Variants in TRABD2A observed in about 807,000 individuals in gnomAD.
The protein encoded by TRABD2A is metalloprotease TIKI1.
Under a neutral mutation model 45.6 loss-of-function variants are expected in TRABD2A, and 43 were observed. The ratio of observed to expected loss-of-function variants is 0.94; its 90% CI spans 0.74 to 1.22. TRABD2A has a LOEUF of 1.22. TRABD2A is among the 50% of genes most tolerant of loss of function. The probability of loss-of-function intolerance (pLI) is 0.00; values close to 1 mark genes in which losing one functional copy is unlikely to be tolerated. For missense variants in TRABD2A, 642 were observed against 652.4 expected (o/e 0.98, Z 0.17); for synonymous variants, 269 against 265.0 (o/e 1.02, Z -0.15).
At chr2:84,847,892 C>A (rs1205330898) in intron 2 of TRABD2A, among the ~76,000 whole-genome samples, 1 of 152,182 alleles carries the variant, frequency 6.6e-6, no homozygotes. Flanking sequence ...GCATCTATTC[C>A]AGGCCTCTCT....
intron 1 of TRABD2A, among the ~76,000 whole-genome samples, chr2:84,876,708 C>A (rs752976223): frequency 5.3e-5 from 8 of 152,156 alleles, no homozygotes; most frequent in South Asian, 2.1e-4. Flanking sequence ...AGAGTCATAT[C>A]TTTTTTCAGT....
chr2:84,839,038 T>C (rs1681615328), intron 4 of TRABD2A, 111 bp downstream of exon 4: 3 of 1,253,132 alleles, frequency 2.4e-6, no homozygotes, highest in Non-Finnish European at 3.3e-6. Flanking sequence ...GTCACTCCCT[T>C]CATCTCGCTT....
intron 4 of TRABD2A, chr2:84,838,204 G>A (rs1458466541): frequency 4.2e-6 from 3 of 717,530 alleles, no homozygotes; most frequent in Middle Eastern, 2.3e-4. Flanking sequence ...CACAGCTACT[G>A]TAGTTCAAGG....
chr2:84,826,095 T>A (rs1326259904), intron 5 of TRABD2A, among the ~76,000 whole-genome samples: 1 of 152,174 alleles, frequency 6.6e-6, no homozygotes, highest in Admixed American at 6.5e-5. Context: ...TGGCCGAAAC[T>A]ATGTCTTGGC....
At chr2:84,836,857 T>G (rs559509317) in intron 4 of TRABD2A, 1 of 152,296 alleles carries the variant, frequency 6.6e-6, no homozygotes, top group Non-Finnish European at 1.5e-5. Flanking sequence ...TTTCAGTTCC[T>G]ACACTTTAAA....
chr2:84,827,835 G>C (rs954768646), intron 5 of TRABD2A, among the ~76,000 whole-genome samples: 1 of 152,164 alleles, frequency 6.6e-6, no homozygotes, highest in Non-Finnish European at 1.5e-5. Flanking sequence ...AAGATGGAAG[G>C]CTCCACAAGT....
intron 1 of TRABD2A, among the ~76,000 whole-genome samples, chr2:84,878,996 G>GT (rs766987472): frequency 2.0e-5 from 3 of 152,116 alleles, no homozygotes; most frequent in Non-Finnish European, 4.4e-5. Context: ...GGTCAAAACT[G>GT]TTTTTATAAA....
intron 3 of TRABD2A, among the ~76,000 whole-genome samples, chr2:84,840,508 T>C (rs1044906152): frequency 6.6e-6 from 1 of 152,190 alleles, no homozygotes; most frequent in African/African-American, 2.4e-5. Flanking sequence ...TGACAGCACA[T>C]TCCCTGACCT....
chr2:84,829,786 A>G (rs1681270668), intron 5 of TRABD2A, among the ~76,000 whole-genome samples: 1 of 150,036 alleles, frequency 6.7e-6, no homozygotes, highest in African/African-American at 2.5e-5. Context: ...CACCACACAC[A>G]CCCCACATAC....
At chr2:84,841,760 G>A (rs1191337951) in intron 3 of TRABD2A, 101 bp downstream of exon 3, 4 of 1,262,736 alleles carry the variant, frequency 3.2e-6, no homozygotes, top group Non-Finnish European at 4.1e-6. Context: ...GAGCCCTCAT[G>A]ACCTCAATCC....
chr2:84,836,029 T>A (rs1484616010), intron 4 of TRABD2A: 1 of 152,204 alleles, frequency 6.6e-6, no homozygotes, highest in Non-Finnish European at 1.5e-5. Flanking sequence ...CATATTTCCC[T>A]CACTTCCCAT....
chr2:84,831,914 T>C lies in TRABD2A; in HGVS notation c.1082+141A>G. Reference sequence around the variant, plus strand: ...CAGAGCCAGCTGAGCTGGTGCCAAATGTCCATGTAAGGTCAAGTGTGGGGG... The same window carrying C: ...CAGAGCCAGCTGAGCTGGTGCCAAACGTCCATGTAAGGTCAAGTGTGGGGG... On this transcript the variant is annotated intron_variant, in intron 5 of 6. Coordinates refer to ENST00000409520, the MANE Select transcript of TRABD2A (RefSeq NM_001277053.2). 10 of 795,358 alleles carry C rather than the reference T, an allele frequency of 1.3e-5. No homozygotes were observed. The South Asian group carries it at 1.7e-4, about 13-fold the overall frequency. The allele number at this position is 795,358 out of a possible 1,614,324, so 49.3% of individuals were successfully genotyped here.
chr2:84,822,737 C>G (rs1282419505), intron 6 of TRABD2A, among the ~76,000 whole-genome samples: 1 of 152,214 alleles, frequency 6.6e-6, no homozygotes, highest in Non-Finnish European at 1.5e-5. Flanking sequence ...TGAACACCAT[C>G]AGAAGCTGTC....
intron 1 of TRABD2A, among the ~76,000 whole-genome samples, chr2:84,872,330 A>G (rs1682893521): frequency 6.6e-6 from 1 of 151,872 alleles, no homozygotes; most frequent in South Asian, 2.1e-4. Context: ...GCAACACAGC[A>G]AAGCCCCATC....
At chr2:84,845,201 A>G (rs1681841481) in intron 2 of TRABD2A, among the ~76,000 whole-genome samples, 1 of 152,150 alleles carries the variant, frequency 6.6e-6, no homozygotes, top group Admixed American at 6.5e-5. Flanking sequence ...AAATACAAAA[A>G]TTAGCCAGGC....
intron 2 of TRABD2A, among the ~76,000 whole-genome samples, chr2:84,864,881 G>T (rs573886089): frequency 6.6e-6 from 1 of 152,132 alleles, no homozygotes; most frequent in African/African-American, 2.4e-5. Flanking sequence ...GTCTTCCTCA[G>T]GCCATCTAGC....
At chr2:84,844,292 T>C (rs1681810718) in intron 2 of TRABD2A, among the ~76,000 whole-genome samples, 1 of 152,116 alleles carries the variant, frequency 6.6e-6, no homozygotes, top group South Asian at 2.1e-4. Flanking sequence ...CCCATGCCGT[T>C]CTCGTGATAG....
rs572381402 is a variant in TRABD2A, at chr2:84,867,398, C to T, written c.669+2827G>A. ...GCTAGCCATATGTAGAAAGCTGAAA[C>T]TGGATCCCTTACTTACACCTTATAC... On this transcript the variant is annotated intron_variant, in intron 2 of 6. Coordinates refer to ENST00000409520, the MANE Select transcript of TRABD2A (RefSeq NM_001277053.2). 5.6e-4 allele frequency among the ~76,000 whole-genome samples: 85 copies of T among 152,260 alleles called. 2 individuals are homozygous for T. In the South Asian group the frequency reaches 0.017, roughly 31 times the overall value.
chr2:84,846,617 C>T (rs1284204352), intron 2 of TRABD2A, among the ~76,000 whole-genome samples: 1 of 152,212 alleles, frequency 6.6e-6, no homozygotes, highest in African/African-American at 2.4e-5. Context: ...CAGAGGAAGG[C>T]TCCATGATGA....
Sources: allele counts gnomAD v4.1 joint callset (sites outside exome capture counted in the v4.1 genomes callset), GRCh38; gene constraint gnomAD v4.1.1; transcripts MANE v1.5; gene names NCBI Gene and HGNC (gene_info 2026-07-23, HGNC 2026-07-21).